SDK1: variants seen among roughly 807,000 people sequenced by gnomAD.
SDK1 encodes sidekick cell adhesion molecule 1.
SDK1 carries 157 observed loss-of-function variants against 245.5 expected under a neutral mutation model. The ratio of observed to expected loss-of-function variants is 0.64; its 90% CI spans 0.56 to 0.73. SDK1 has a LOEUF of 0.73. Among genes scored for constraint, SDK1 ranks in the 30% least tolerant of loss-of-function variants. The pLI, the probability that SDK1 is intolerant of heterozygous loss-of-function variation, is 0.00. For missense variants in SDK1, 3,583 were observed against 3,002.3 expected (o/e 1.19, Z -4.52); for synonymous variants, 1,647 against 1,278.5 (o/e 1.29, Z -6.15).
At chr7:3,881,986 A>T (rs1180454885) in intron 5 of SDK1, among the ~76,000 whole-genome samples, 1 of 152,180 alleles carries the variant, frequency 6.6e-6, no homozygotes, top group Non-Finnish European at 1.5e-5. Flanking sequence ...TTATAAAGAA[A>T]AAGAGGTTTA....
At chr7:3,552,660 C>G (rs745550396) in intron 1 of SDK1, among the ~76,000 whole-genome samples, 10 of 152,128 alleles carry the variant, frequency 6.6e-5, no homozygotes, top group African/African-American at 9.7e-5. Flanking sequence ...AAGATCTTAC[C>G]TTATTCATGG....
chr7:4,046,680 T>A (rs1789037073), intron 17 of SDK1, among the ~76,000 whole-genome samples: 2 of 152,242 alleles, frequency 1.3e-5, no homozygotes, highest in Non-Finnish European at 2.9e-5. Flanking sequence ...TAATTACTGT[T>A]GATTTCCAGT....
chr7:3,633,952 C>G (rs892355282), intron 2 of SDK1, among the ~76,000 whole-genome samples: 1 of 152,054 alleles, frequency 6.6e-6, no homozygotes, highest in Non-Finnish European at 1.5e-5. Flanking sequence ...CTGGACACTC[C>G]CCTACTCCCC....
At chr7:3,572,663 T>C (rs1348784855) in intron 1 of SDK1, among the ~76,000 whole-genome samples, 1 of 152,050 alleles carries the variant, frequency 6.6e-6, no homozygotes, top group African/African-American at 2.4e-5. Context: ...TATTCAGTCA[T>C]CTATTTGTCA....
At chr7:4,141,038 C>T (rs1449142919) in intron 28 of SDK1, among the ~76,000 whole-genome samples, 1 of 152,168 alleles carries the variant, frequency 6.6e-6, no homozygotes, top group Non-Finnish European at 1.5e-5. Flanking sequence ...CCAGGTCTCC[C>T]GGCTCCCTGC....
chr7:3,851,153 G>T (rs538629214), intron 5 of SDK1, among the ~76,000 whole-genome samples: 24 of 152,304 alleles, frequency 1.6e-4, no homozygotes, highest in African/African-American at 5.8e-4. Context: ...ACTTGTTGGA[G>T]TGAAAATTAT....
intron 13 of SDK1, among the ~76,000 whole-genome samples, chr7:3,982,884 A>T (rs1783524165): frequency 6.6e-6 from 1 of 152,170 alleles, no homozygotes; most frequent in Non-Finnish European, 1.5e-5. Context: ...AGGAGATCAC[A>T]ATATCAATAT....
At chr7:3,685,085 T>C (rs1427133207) in intron 4 of SDK1, among the ~76,000 whole-genome samples, 1 of 152,170 alleles carries the variant, frequency 6.6e-6, no homozygotes, top group African/African-American at 2.4e-5. Flanking sequence ...GAAGTAATGT[T>C]TGACAGCATC....
rs868254792 is a variant in SDK1, at chr7:3,301,728, C to T, written c.142C>T (p.Pro48Ser). The change falls in exon 1 of 45, where the codon CCC becomes TCC. Residue 48 changes from proline (P) to serine (S), a missense_variant. Physicochemically the swap from Pro to Ser is moderately conservative, Grantham distance 74. Coordinates refer to ENST00000404826, the MANE Select transcript of SDK1 (RefSeq NM_152744.4). Reference sequence around the variant, plus strand: ...GCTGGCGCCGCGCCCCGGCCCGGAGCCCTCGCGACCCCGGGCGGCGCCCGA... The same window carrying T: ...GCTGGCGCCGCGCCCCGGCCCGGAGTCCTCGCGACCCCGGGCGGCGCCCGA... Reference protein sequence around the residue: ...PSLAPRPGPEPSRPRAAPETS... With the variant: ...PSLAPRPGPESSRPRAAPETS... The T allele has an allele frequency of 6.1e-6, 6 of 977,342 alleles. No homozygotes were observed. The African/African-American group carries it at 7.1e-5, about 12-fold the overall frequency. The allele number at this position is 977,342 out of a possible 1,614,324, so 60.5% of individuals were successfully genotyped here. A position where few individuals can be genotyped will look rare whatever the true frequency, so the allele number is the denominator to read the frequency against.
intron 28 of SDK1, among the ~76,000 whole-genome samples, chr7:4,140,769 T>C (rs1432971350): frequency 6.6e-6 from 1 of 152,098 alleles, no homozygotes; most frequent in African/African-American, 2.4e-5. Context: ...GTGCCTGGAA[T>C]ATAGAGGCCC....
chr7:4,079,356 A>T lies in SDK1; in HGVS notation c.3203-107A>T. ...TTTTGAGAGCAAATCCTTTTTTGGT[A>T]TAGAATCGTTTTGAAACTGTTTACT... is the stretch of plus-strand genomic sequence containing the variant. On this transcript the variant is annotated intron_variant, in intron 21 of 44. Transcript: ENST00000404826. 9.7e-6 allele frequency: 13 copies of T among 1,333,514 alleles called. No homozygotes were observed. The Admixed American group carries it at 1.1e-4, about 12-fold the overall frequency. 82.6% of individuals were successfully genotyped at this position (1,333,514 alleles called of 1,614,324 possible).
chr7:4,197,237 G>T (rs1783631789), intron 35 of SDK1, among the ~76,000 whole-genome samples: 1 of 152,002 alleles, frequency 6.6e-6, no homozygotes, highest in Non-Finnish European at 1.5e-5. Flanking sequence ...GCCGAGGTGG[G>T]AGGATTGCTT....
chr7:3,582,142 C>G (rs1016030773), intron 1 of SDK1, among the ~76,000 whole-genome samples: 1 of 150,248 alleles, frequency 6.7e-6, no homozygotes, highest in Non-Finnish European at 1.5e-5. Flanking sequence ...AGGTCTCCCT[C>G]AGGTAGGCCT....
intron 38 of SDK1, among the ~76,000 whole-genome samples, chr7:4,213,517 G>A (rs1458125480): frequency 2.0e-5 from 3 of 152,030 alleles, no homozygotes; most frequent in Non-Finnish European, 4.4e-5. Context: ...CCCGGGAGGT[G>A]GAGGCTGCAG....
rs201953229 is a variant in SDK1 at position 4,145,929 on chromosome 7, G to A, written c.4423+13G>A. On this transcript the variant is annotated intron_variant, in intron 29 of 44. Transcript: ENST00000404826. ...ACCGAGAAGAGAGGTAAGACCTTGGGGGACCCGGGGGTACTGCAGATGTTG... is the reference window on the plus strand; with the variant it reads ...ACCGAGAAGAGAGGTAAGACCTTGGAGGACCCGGGGGTACTGCAGATGTTG... 85 of 1,586,664 alleles carry A rather than the reference G, an allele frequency of 5.4e-5. No homozygotes were observed. The highest frequency in any genetic ancestry group is 6.8e-5 in the East Asian group (3 of 44,338).
chr7:4,201,301 G>T (rs548984706), intron 35 of SDK1, among the ~76,000 whole-genome samples: 22 of 152,316 alleles, frequency 1.4e-4, no homozygotes, highest in Non-Finnish European at 2.4e-4. Flanking sequence ...CCTGTCTCCA[G>T]GTCCCCCTGC....
At chr7:3,433,833 A>G (rs1468004296) in intron 1 of SDK1, among the ~76,000 whole-genome samples, 2 of 152,218 alleles carry the variant, frequency 1.3e-5, no homozygotes, top group African/African-American at 4.8e-5. Flanking sequence ...ACAACCTTAC[A>G]GAGTACATAC....
intron 1 of SDK1, among the ~76,000 whole-genome samples, chr7:3,548,633 T>C (rs1321129765): frequency 6.6e-6 from 1 of 152,250 alleles, no homozygotes; most frequent in Non-Finnish European, 1.5e-5. Flanking sequence ...ACCCAGGCTT[T>C]TGAAATAAAC....
chr7:3,835,938 C>A (rs578036013), intron 5 of SDK1, among the ~76,000 whole-genome samples: 4 of 152,194 alleles, frequency 2.6e-5, no homozygotes, highest in Non-Finnish European at 5.9e-5. Context: ...AAGGTCAAGA[C>A]ACACAAGATT....
Sources: allele counts gnomAD v4.1 joint callset (sites outside exome capture counted in the v4.1 genomes callset), GRCh38; gene constraint gnomAD v4.1.1; transcripts MANE v1.5; gene names NCBI Gene and HGNC (gene_info 2026-07-23, HGNC 2026-07-21).